TNRC6B: variants seen among roughly 807,000 people sequenced by gnomAD.
The protein encoded by TNRC6B is trinucleotide repeat containing adaptor 6B.
In TNRC6B, 52 loss-of-function variants were observed where a neutral mutation model predicts 203.6. That is an observed-to-expected ratio of 0.26 (90% CI 0.20 to 0.32). The LOEUF is 0.32. Ranked by LOEUF, TNRC6B falls within the 10% of genes least tolerant of loss-of-function variation. TNRC6B has a pLI of 1.00. For missense variants in TNRC6B, 1,923 were observed against 2,286.2 expected (o/e 0.84, Z 3.24); for synonymous variants, 838 against 845.7 (o/e 0.99, Z 0.16).
intron 12 of TNRC6B, among the ~76,000 whole-genome samples, chr22:40,296,808 A>G (rs1350112030): frequency 6.6e-6 from 1 of 151,968 alleles, no homozygotes; most frequent in Non-Finnish European, 1.5e-5. Context: ...TTGTATTTTT[A>G]GTAGAGAGAG....
intron 1 of TNRC6B, among the ~76,000 whole-genome samples, chr22:40,096,415 T>C (rs1392401235): frequency 6.6e-6 from 1 of 152,222 alleles, no homozygotes; most frequent in Non-Finnish European, 1.5e-5. Context: ...ATAGGATGTT[T>C]TTATTAACTG....
In TNRC6B at chr22:40,265,590, G is replaced by A; in HGVS notation, c.1360G>A (p.Glu454Lys). The stretch of plus-strand genomic sequence containing the variant: ...CAATGGGAACAATGGAAAAGAGAGA[G>A]AGGACTCCTGGAAAGGAGCTTCTGT... ...GNNGNNGKER[E>K]DSWKGASVQK... Residue 454 changes from glutamate to lysine, a missense_variant, in exon 5 of 23, where the codon GAG becomes AAG. By Grantham distance (56) the Glu-to-Lys change is moderately conservative. Transcript: ENST00000454349. 1 of 1,613,796 alleles carries A rather than the reference G, an allele frequency of 6.2e-7. No individual in the cohort carries two copies. Among genetic ancestry groups the A allele is most frequent in the South Asian group, 1.1e-5 (1 of 91,062 alleles).
intron 3 of TNRC6B, among the ~76,000 whole-genome samples, chr22:40,152,858 T>C (rs141641420): frequency 9.9e-5 from 15 of 151,940 alleles, no homozygotes; most frequent in African/African-American, 3.6e-4. Flanking sequence ...CCCAGCACTT[T>C]GGGAGGCTGA....
At chr22:40,139,646 A>G (rs1324503529) in intron 3 of TNRC6B, among the ~76,000 whole-genome samples, 1 of 152,184 alleles carries the variant, frequency 6.6e-6, no homozygotes, top group Non-Finnish European at 1.5e-5. Flanking sequence ...TTTTATTTAT[A>G]TACTCAACAG....
At chr22:40,218,400 C>T (rs1385184000) in intron 1 of TNRC6B, among the ~76,000 whole-genome samples, 1 of 139,132 alleles carries the variant, frequency 7.2e-6, no homozygotes, top group Non-Finnish European at 1.5e-5. Context: ...GATCGTGGCT[C>T]TCTGCAGCCT....
intron 1 of TNRC6B, among the ~76,000 whole-genome samples, chr22:40,215,835 C>T (rs1439153795): frequency 1.3e-5 from 2 of 152,338 alleles, no homozygotes; most frequent in Admixed American, 6.5e-5. Flanking sequence ...ACTAATACCT[C>T]GTGAACAGAG....
At chr22:40,172,933 A>C (rs2069016283), upstream of TNRC6B, among the ~76,000 whole-genome samples, 1 of 152,126 alleles carries the variant, frequency 6.6e-6, no homozygotes, top group Non-Finnish European at 1.5e-5. Context: ...TTAATCTTCA[A>C]GTTTATTTAT....
chr22:40,046,759 C>T (rs1466954720), intron 1 of TNRC6B, among the ~76,000 whole-genome samples: 1 of 151,794 alleles, frequency 6.6e-6, no homozygotes, highest in Non-Finnish European at 1.5e-5. Context: ...ATTCTCCTGC[C>T]TCAGCCTCCC....
chr22:40,051,770 A>G (rs1443218713), intron 1 of TNRC6B, among the ~76,000 whole-genome samples: 5 of 152,250 alleles, frequency 3.3e-5, no homozygotes, highest in African/African-American at 7.2e-5. Flanking sequence ...TAGTAGCTAC[A>G]TTAAAAAAGT....
intron 1 of TNRC6B, among the ~76,000 whole-genome samples, chr22:40,093,663 A>G (rs73424218): frequency 0.054 from 8,225 of 152,232 alleles, 758 homozygotes; most frequent in African/African-American, 0.19. Context: ...TGAAATAAAA[A>G]CCATTTTTAT....
In TNRC6B at chr22:40,300,906, G is replaced by A; in HGVS notation, c.3841-4G>A. On this transcript the variant is annotated splice_region_variant and splice_polypyrimidine_tract_variant and intron_variant, in intron 13 of 22. Coordinates refer to ENST00000454349, the MANE Select transcript of TNRC6B (RefSeq NM_001162501.2). ...GTTTTCTGTCTTTCCCCCTTGTTTT[G>A]TAGGCATGTCAGCTTCTCTTGCAGC... is the stretch of plus-strand genomic sequence containing the variant. The A allele has an allele frequency of 1.2e-6, 2 of 1,613,098 alleles. No homozygotes were observed. The highest frequency in any genetic ancestry group is 8.5e-7 in the Non-Finnish European group (1 of 1,179,548).
intron 11 of TNRC6B, among the ~76,000 whole-genome samples, chr22:40,282,497 ATT>A (rs1405891650): frequency 6.6e-6 from 1 of 152,116 alleles, no homozygotes; most frequent in East Asian, 1.9e-4. Flanking sequence ...GGGTTCTTTT[ATT>A]TTGAATCGAG....
chr22:40,289,310 G>A (rs2070836578), intron 12 of TNRC6B, among the ~76,000 whole-genome samples: 1 of 152,002 alleles, frequency 6.6e-6, no homozygotes, highest in South Asian at 2.1e-4. Context: ...AAGGGAGGGA[G>A]GGAACAAACA....
At chr22:40,052,441 T>A (rs2067755386) in intron 1 of TNRC6B, among the ~76,000 whole-genome samples, 1 of 144,116 alleles carries the variant, frequency 6.9e-6, no homozygotes, top group Non-Finnish European at 1.5e-5. Context: ...CGCTGTGTAT[T>A]GTATTTTTTT....
At chr22:40,268,691 C>G (rs547981839) in intron 5 of TNRC6B, among the ~76,000 whole-genome samples, 1 of 151,882 alleles carries the variant, frequency 6.6e-6, no homozygotes, top group Non-Finnish European at 1.5e-5. Context: ...GCGGACAGAT[C>G]ATGAGGTCAG....
At chr22:40,310,101 C>T (rs563978968) in intron 16 of TNRC6B, among the ~76,000 whole-genome samples, 16 of 152,270 alleles carry the variant, frequency 1.1e-4, no homozygotes, top group Admixed American at 9.8e-4. Context: ...AATTATTTTC[C>T]TGCCCCATAG....
chr22:40,246,861 C>G (rs577123912), intron 2 of TNRC6B, among the ~76,000 whole-genome samples: 1 of 152,138 alleles, frequency 6.6e-6, no homozygotes, highest in South Asian at 2.1e-4. Flanking sequence ...CGGAAAGGAT[C>G]TAGTGAGCCC....
intron 3 of TNRC6B, among the ~76,000 whole-genome samples, chr22:40,128,630 T>C (rs2068515691): frequency 6.7e-6 from 1 of 150,184 alleles, no homozygotes; most frequent in African/African-American, 2.5e-5. Flanking sequence ...CTCAAGCAAT[T>C]CTCCCACCTC....
At chr22:40,120,856 T>C (rs2068437524) in intron 2 of TNRC6B, among the ~76,000 whole-genome samples, 1 of 152,150 alleles carries the variant, frequency 6.6e-6, no homozygotes, top group African/African-American at 2.4e-5. Context: ...ACAGGTTTAT[T>C]CGCCCACCAC....
Sources: gnomAD v4.1 joint callset for allele counts (sites outside exome capture counted in the v4.1 genomes callset) on GRCh38, gnomAD v4.1.1 for gene constraint, MANE v1.5 for transcripts, NCBI Gene and HGNC (gene_info 2026-07-23, HGNC 2026-07-21) for gene names.